The following CLTC variants were observed in gnomAD, a reference collection of about 807,000 sequenced individuals.
The protein encoded by CLTC is clathrin heavy chain 1.
A neutral mutation model predicts 195.8 loss-of-function variants in CLTC; 16 were observed. That is an observed-to-expected ratio of 0.08 (90% CI 0.06 to 0.12). The LOEUF (loss-of-function observed/expected upper bound fraction) is 0.12. Ranked by LOEUF, CLTC falls within the 10% of genes least tolerant of loss-of-function variation. The pLI is 1.00. For synonymous variants in CLTC, 667 were observed against 689.4 expected (o/e 0.97, Z 0.51); for missense variants, 796 against 2,027.0 (o/e 0.39, Z 11.66).
At chr17:59,687,487 G>GTT (rs531755733) in intron 30 of CLTC, among the ~76,000 whole-genome samples, 12 of 141,964 alleles carry the variant, frequency 8.5e-5, no homozygotes, top group African/African-American at 2.3e-4. Context: ...GCTTTTTGGG[G>GTT]TTTTTTTTTT....
chr17:59,658,190 G>T (rs1023392123), intron 6 of CLTC, among the ~76,000 whole-genome samples: 1 of 152,038 alleles, frequency 6.6e-6, no homozygotes, highest in Admixed American at 6.6e-5. Context: ...GTAACAGAGC[G>T]AGACTCCGTC....
Position 59,673,778 on chromosome 17 carries a change from T to A in CLTC, c.2418+6T>A, listed in dbSNP as rs2032905637. 1 of 1,114,562 alleles carries A rather than the reference T, an allele frequency of 9.0e-7. No homozygotes were observed. Among genetic ancestry groups the A allele is most frequent in the Non-Finnish European group, 1.4e-6 (1 of 732,704 alleles). 69.0% of individuals were successfully genotyped at this position (1,114,562 alleles called of 1,614,324 possible). On this transcript the variant is annotated splice_donor_region_variant and intron_variant, in intron 15 of 31. Coordinates refer to ENST00000269122, the MANE Select transcript of CLTC (RefSeq NM_004859.4). ...TAGAGATATATGTACAGAAGGTAAG[T>A]AATATGTAGGTAATGTAAAGGTATA...
intron 6 of CLTC, among the ~76,000 whole-genome samples, chr17:59,657,329 G>A (rs16943748): frequency 0.18 from 27,977 of 152,094 alleles, 3,493 homozygotes; most frequent in East Asian, 0.45. Context: ...TGCTCGCTAA[G>A]CTGTTGCAGT....
chr17:59,662,725 G>A (rs1024247293), intron 8 of CLTC, among the ~76,000 whole-genome samples: 4 of 152,168 alleles, frequency 2.6e-5, no homozygotes, highest in African/African-American at 9.7e-5. Flanking sequence ...TTGGACAGGA[G>A]TCTCTGATGA....
At chr17:59,656,083 C>T in intron 6 of CLTC, 56 bp downstream of exon 6, 1 of 1,414,182 alleles carries the variant, frequency 7.1e-7, no homozygotes, top group South Asian at 1.4e-5. Flanking sequence ...GAGTTGGGAA[C>T]AATCCTGTCC....
chr17:59,655,571 T>A (rs1247063221), intron 5 of CLTC, among the ~76,000 whole-genome samples: 3 of 152,208 alleles, frequency 2.0e-5, no homozygotes, highest in African/African-American at 7.2e-5. Context: ...TCATCTGCAC[T>A]GCAAAGTGCA....
At chr17:59,651,099 C>A in intron 4 of CLTC, 104 bp from the exon 5 acceptor site, 1 of 711,490 alleles carries the variant, frequency 1.4e-6, no homozygotes, top group Non-Finnish European at 2.5e-6. Flanking sequence ...CATTGATCTT[C>A]TGTAGAACAT....
rs2032728579 is a variant in CLTC, at chr17:59,666,258, T to C, written c.1782+18T>C. 1.9e-6 allele frequency: 3 copies of C among 1,609,146 alleles called. No homozygotes were observed. Among genetic ancestry groups the C allele is most frequent in the Admixed American group, 1.7e-5 (1 of 59,828 alleles). ...CGCCTCAAGTATGTGTTTTAATGCT[T>C]TTTAGGCATGTTTCCAACATTGTTT... On this transcript the variant is annotated intron_variant, in intron 11 of 31. Transcript: ENST00000269122. This position sits in a 1 kb window ranked among gnomAD's most constrained non-coding sequence, Gnocchi z 4.9.
At chr17:59,620,601 C>G (rs1013272093) in intron 1 of CLTC, among the ~76,000 whole-genome samples, 3 of 122,870 alleles carry the variant, frequency 2.4e-5, no homozygotes, top group Non-Finnish European at 3.2e-5. Context: ...TTTCCCTCAT[C>G]GTGTCTGCAC....
chr17:59,641,117 C>CA (rs10667057), intron 1 of CLTC, among the ~76,000 whole-genome samples: 7,722 of 145,302 alleles, frequency 0.053, 645 homozygotes, highest in African/African-American at 0.18. Flanking sequence ...GACTCGGTTT[C>CA]AAAAAAAAAA....
At chr17:59,631,577 AT>A (rs1242027936) in intron 1 of CLTC, among the ~76,000 whole-genome samples, 2 of 152,270 alleles carry the variant, frequency 1.3e-5, no homozygotes, top group African/African-American at 4.8e-5. Context: ...GAAAACATAC[AT>A]AAACAATTGG....
rs1221698952 is a variant in CLTC, at chr17:59,685,496, T to C, written c.4606-91T>C. On this transcript the variant is annotated intron_variant, in intron 29 of 31. Transcript: ENST00000269122. This position sits in a 1 kb window ranked among gnomAD's most constrained non-coding sequence, Gnocchi z 5.0. ...GCTTTTTTCCCCTTGCAAAACCAGA[T>C]TTATATTGGAAAGTTTCCATTGTTT... 8.4e-7 allele frequency: 1 copy of C among 1,189,124 alleles called. No individual in the cohort carries two copies. Among genetic ancestry groups the C allele is most frequent in the Non-Finnish European group, 1.2e-6 (1 of 841,520 alleles). 73.7% of individuals were successfully genotyped at this position (1,189,124 alleles called of 1,614,324 possible). A position where few individuals can be genotyped will look rare whatever the true frequency, so the allele number is the denominator to read the frequency against.
At chr17:59,675,350 G>A (rs905052775) in intron 16 of CLTC, among the ~76,000 whole-genome samples, 5 of 152,162 alleles carry the variant, frequency 3.3e-5, no homozygotes, top group East Asian at 3.9e-4. Flanking sequence ...TATAGTATAA[G>A]TGCTTCTAAA....
rs758855413 is a variant in CLTC at position 59,666,264 on chromosome 17, G to C, written c.1782+24G>C. On this transcript the variant is annotated intron_variant, in intron 11 of 31. Transcript: ENST00000269122. This position sits in a 1 kb window ranked among gnomAD's most constrained non-coding sequence, Gnocchi z 4.9. ...AAGTATGTGTTTTAATGCTTTTTAG[G>C]CATGTTTCCAACATTGTTTTAGTAA... The C allele has an allele frequency of 6.2e-7, 1 of 1,608,076 alleles. No individual in the cohort carries two copies. Among genetic ancestry groups the C allele is most frequent in the Non-Finnish European group, 8.5e-7 (1 of 1,174,966 alleles).
At chr17:59,647,720 C>T in intron 3 of CLTC, 54 bp downstream of exon 3, 2 of 1,472,846 alleles carry the variant, frequency 1.4e-6, no homozygotes, top group Admixed American at 1.8e-5. Flanking sequence ...CGGTTGTGCC[C>T]AGAATGCAGT....
Position 59,685,277 on chromosome 17 carries a change from G to GT in CLTC, c.4605+53dup. 1 of 1,484,182 alleles carries GT rather than the reference G, an allele frequency of 6.7e-7. No individual in the cohort carries two copies. Among genetic ancestry groups the GT allele is most frequent in the Non-Finnish European group, 9.1e-7 (1 of 1,098,512 alleles). 91.9% of individuals were successfully genotyped at this position (1,484,182 alleles called of 1,614,324 possible). On this transcript the variant is annotated intron_variant, in intron 29 of 31. Coordinates refer to ENST00000269122, the MANE Select transcript of CLTC (RefSeq NM_004859.4). This position sits in a 1 kb window ranked among gnomAD's most constrained non-coding sequence, Gnocchi z 5.0. ...TGTTTTAAACCAGGCCTAAAATGGT[G>GT]TTACAAGTGATTATAATCTATAAAT...
intron 7 of CLTC, 91 bp downstream of exon 7, chr17:59,660,679 C>A: frequency 7.9e-7 from 1 of 1,263,512 alleles, no homozygotes; most frequent in Non-Finnish European, 1.1e-6. Flanking sequence ...CAGCTTCCTA[C>A]AGATAAACTG....
At chr17:59,640,633 C>T (rs892464191) in intron 1 of CLTC, among the ~76,000 whole-genome samples, 6 of 151,618 alleles carry the variant, frequency 4.0e-5, no homozygotes, top group South Asian at 2.1e-4. Flanking sequence ...CTCCTGACCT[C>T]GTGATCCACG....
chr17:59,667,091 C>T, intron 13 of CLTC, 114 bp downstream of exon 13: 1 of 750,858 alleles, frequency 1.3e-6, no homozygotes, highest in Non-Finnish European at 2.1e-6. Context: ...TTCTATGGGA[C>T]ATTTTAATTT....
Sources: allele counts gnomAD v4.1 joint callset (sites outside exome capture counted in the v4.1 genomes callset), GRCh38; gene constraint gnomAD v4.1.1; non-coding constraint Gnocchi (gnomAD v3.1); transcripts MANE v1.5; gene names NCBI Gene and HGNC (gene_info 2026-07-23, HGNC 2026-07-21).